The following CDC14B variants were observed in gnomAD, a reference collection of about 807,000 sequenced individuals.
CDC14B encodes dual specificity protein phosphatase CDC14B.
In CDC14B, 22 loss-of-function variants were observed where a neutral mutation model predicts 64.2. The observed-to-expected ratio is 0.34, with a 90% confidence interval of 0.24 to 0.49. The LOEUF is 0.49. Among genes scored for constraint, CDC14B ranks in the 20% least tolerant of loss-of-function variants. The pLI, the probability that CDC14B is intolerant of heterozygous loss-of-function variation, is 0.99. For missense variants in CDC14B, 498 were observed against 629.9 expected, an observed-to-expected ratio of 0.79 and a Z score of 2.24; for synonymous variants, 191 against 215.8, an observed-to-expected ratio of 0.89 and a Z score of 1.01.
chr9:96,578,477 C>T (rs1039587460), intron 1 of CDC14B, among the ~76,000 whole-genome samples: 1 of 152,178 alleles, frequency 6.6e-6, no homozygotes, highest in Non-Finnish European at 1.5e-5. Context: ...CCCGTGATGT[C>T]GTGTGGATTT....
chr9:96,573,023 A>T (rs1844567897), intron 1 of CDC14B, among the ~76,000 whole-genome samples: 1 of 152,216 alleles, frequency 6.6e-6, no homozygotes, highest in Admixed American at 6.5e-5. Flanking sequence ...AAATACAGAC[A>T]CGAAGCCAGG....
At chr9:96,551,643 C>A (rs552091894) in intron 5 of CDC14B, among the ~76,000 whole-genome samples, 153 bp downstream of exon 5, 8 of 152,258 alleles carry the variant, frequency 5.3e-5, no homozygotes, top group African/African-American at 1.9e-4. Context: ...AAAACGTCAA[C>A]AGTGTCACTG....
chr9:96,577,645 G>A (rs959141389), intron 1 of CDC14B, among the ~76,000 whole-genome samples: 5 of 152,160 alleles, frequency 3.3e-5, no homozygotes, highest in African/African-American at 1.2e-4. Flanking sequence ...ATGGTGCCAA[G>A]ACCCCACCGA....
intron 12 of CDC14B, among the ~76,000 whole-genome samples, chr9:96,511,358 G>T (rs983837444): frequency 1.3e-5 from 2 of 152,160 alleles, no homozygotes; most frequent in Non-Finnish European, 2.9e-5. Context: ...GGATCACGAG[G>T]TCAGGAGTTC....
intron 1 of CDC14B, among the ~76,000 whole-genome samples, chr9:96,601,787 C>T (rs1294210208): frequency 7.4e-6 from 1 of 134,274 alleles, no homozygotes; most frequent in African/African-American, 3.0e-5. Flanking sequence ...GAGCAAGACG[C>T]TGTCTCGAAA....
intron 1 of CDC14B, among the ~76,000 whole-genome samples, chr9:96,616,033 G>C (rs1012928146): frequency 6.6e-5 from 10 of 152,106 alleles, no homozygotes; most frequent in Non-Finnish European, 1.5e-4. Flanking sequence ...GCCATCAAAA[G>C]ATAACTAATC....
exon 14 of CDC14B, chr9:96,492,592 A>T (rs1401294020): frequency 6.6e-6 from 1 of 152,222 alleles, no homozygotes; most frequent in East Asian, 1.9e-4. Context: ...AAAAATACAG[A>T]AATTAGCCGG....
intron 1 of CDC14B, among the ~76,000 whole-genome samples, chr9:96,606,023 T>C (rs544296501): frequency 6.6e-6 from 1 of 151,956 alleles, no homozygotes; most frequent in South Asian, 2.1e-4. Context: ...TTTATATTCA[T>C]AAGTCTCTAT....
At chr9:96,548,064 A>T (rs529635622) in intron 5 of CDC14B, among the ~76,000 whole-genome samples, 1 of 152,198 alleles carries the variant, frequency 6.6e-6, no homozygotes, top group African/African-American at 2.4e-5. Flanking sequence ...TGACCTTGTG[A>T]TCTGCCCACC....
chr9:96,564,963 T>C (rs1224134898), intron 2 of CDC14B, 111 bp from the exon 3 acceptor site: 2 of 649,456 alleles, frequency 3.1e-6, no homozygotes, highest in Admixed American at 3.0e-5. Flanking sequence ...TACCAAATTG[T>C]TATGGGCCAA....
chr9:96,614,048 C>A (rs1049439915), intron 1 of CDC14B, among the ~76,000 whole-genome samples: 8 of 151,994 alleles, frequency 5.3e-5, no homozygotes, highest in Admixed American at 2.6e-4. Context: ...AAATGGCAAT[C>A]CTGACCTCAA....
chr9:96,531,179 T>C (rs1838422801), intron 9 of CDC14B, among the ~76,000 whole-genome samples: 1 of 152,224 alleles, frequency 6.6e-6, no homozygotes. Context: ...AAAGTGTTCC[T>C]TTTTCCTCAA....
At chr9:96,567,715 T>C (rs930672135) in intron 1 of CDC14B, among the ~76,000 whole-genome samples, 13 of 152,120 alleles carry the variant, frequency 8.5e-5, no homozygotes, top group Non-Finnish European at 1.6e-4. Flanking sequence ...CACAAAAAAA[T>C]AGTACAAATA....
chr9:96,572,176 C>A (rs1485513171), intron 1 of CDC14B, among the ~76,000 whole-genome samples: 6 of 152,328 alleles, frequency 3.9e-5, no homozygotes, highest in Non-Finnish European at 7.3e-5. Flanking sequence ...TCACCCTGCG[C>A]ATCTCTTCCT....
chr9:96,567,415 C>G (rs1041723236), intron 1 of CDC14B, among the ~76,000 whole-genome samples: 2 of 152,246 alleles, frequency 1.3e-5, no homozygotes, highest in Non-Finnish European at 2.9e-5. Context: ...AGCCCCTTAG[C>G]TCTGCCAAGA....
chr9:96,619,141 G>T, intron 1 of CDC14B, 78 bp downstream of exon 1: 1 of 1,156,250 alleles, frequency 8.6e-7, no homozygotes. Flanking sequence ...GCCCCGGGCA[G>T]CCCGGTGGGA....
intron 12 of CDC14B, among the ~76,000 whole-genome samples, chr9:96,516,491 A>C (rs1835685719): frequency 6.6e-6 from 1 of 151,774 alleles, no homozygotes; most frequent in Admixed American, 6.6e-5. Flanking sequence ...AATTATTATA[A>C]TTTTTTGAGA....
intron 6 of CDC14B, among the ~76,000 whole-genome samples, chr9:96,540,445 C>T (rs1265571418): frequency 1.3e-5 from 2 of 151,842 alleles, no homozygotes; most frequent in Non-Finnish European, 2.9e-5. Context: ...CCAGCCTAGG[C>T]AACATAGTGA....
At chr9:96,503,933 T>G (rs1833782549) in intron 13 of CDC14B, 144 bp from the exon 14 acceptor site, 1 of 639,170 alleles carries the variant, frequency 1.6e-6, no homozygotes, top group African/African-American at 1.9e-5. Context: ...GACAAATACT[T>G]TGGAGAAGAC....
Sources: gnomAD v4.1 joint callset for allele counts (sites outside exome capture counted in the v4.1 genomes callset) on GRCh38, gnomAD v4.1.1 for gene constraint, MANE v1.5 for transcripts, NCBI Gene and HGNC (gene_info 2026-07-23, HGNC 2026-07-21) for gene names.